The following IRAG2 variants were observed in gnomAD, a reference collection of about 807,000 sequenced individuals.
IRAG2 encodes the protein lymphoid restricted membrane protein.
Under a neutral mutation model 69.9 loss-of-function variants are expected in IRAG2, and 45 were observed. The observed-to-expected ratio is 0.64, with a 90% confidence interval of 0.51 to 0.83. The LOEUF is 0.83. Ranked by LOEUF, IRAG2 falls within the 40% of genes least tolerant of loss-of-function variation. The pLI is 0.00. For missense variants in IRAG2, 520 were observed against 587.0 expected (o/e 0.89, Z 1.18); for synonymous variants, 193 against 202.4 (o/e 0.95, Z 0.40).
chr12:25,018,489 G>A (rs1334833795), intron 6 of IRAG2, among the ~76,000 whole-genome samples: 1 of 151,962 alleles, frequency 6.6e-6, no homozygotes, highest in Admixed American at 6.6e-5. Context: ...TACAGGAGGG[G>A]GAGCCACTGT....
chr12:25,100,750 T>C (rs1043083695), intron 15 of IRAG2: 1 of 153,158 alleles, frequency 6.5e-6, no homozygotes, highest in Non-Finnish European at 1.5e-5. Flanking sequence ...TCCAACTGTA[T>C]GTAGTCTTTC....
chr12:25,005,322 G>A, exon 2 of IRAG2: 1 of 1,230,272 alleles, frequency 8.1e-7, no homozygotes, highest in African/African-American at 1.6e-5. Context: ...GCACTCACAA[G>A]TATTTTTAAT....
intron 13 of IRAG2, 51 bp downstream of exon 13, chr12:25,089,841 C>G: frequency 6.3e-7 from 1 of 1,575,980 alleles, no homozygotes; most frequent in Non-Finnish European, 8.7e-7. Context: ...TCCAGACTCA[C>G]CTGCTACAGT....
In IRAG2 at chr12:25,079,398, G is replaced by A. The variant is rs1279531665; in HGVS notation, c.72G>A (p.Arg24=). Residue 24 remains arginine, a splice_region_variant and synonymous_variant, in exon 8 of 22, where the codon AGG becomes AGA. Transcript: ENST00000556887. ...RVCPESLLQS[R]EYSSLPLPRH... Reference sequence around the variant, plus strand: ...AACATGTTTGCTATCTTTTTGGCAGGGAATATTCCTCACTACCATTACCCA... The same window carrying A: ...AACATGTTTGCTATCTTTTTGGCAGAGAATATTCCTCACTACCATTACCCA... The A allele has an allele frequency of 1.2e-6, 2 of 1,613,318 alleles. No individual in the cohort carries two copies. The highest frequency in any genetic ancestry group is 2.2e-5 in the East Asian group (1 of 44,866).
At chr12:25,029,042 A>G (rs1307576094) in intron 9 of IRAG2, among the ~76,000 whole-genome samples, 1 of 152,174 alleles carries the variant, frequency 6.6e-6, no homozygotes, top group Non-Finnish European at 1.5e-5. Flanking sequence ...ACATGTACCC[A>G]TCTCAAACTC....
At chr12:25,076,473 T>C in intron 6 of IRAG2, 1 of 982,964 alleles carries the variant, frequency 1.0e-6, no homozygotes, top group Non-Finnish European at 1.2e-6. Context: ...GTATTTTTAC[T>C]GTATTTATTA....
At chr12:25,016,762 A>G (rs2139829078) in intron 5 of IRAG2, among the ~76,000 whole-genome samples, 1 of 152,178 alleles carries the variant, frequency 6.6e-6, no homozygotes, top group South Asian at 2.1e-4. Context: ...AATGAAAAAA[A>G]AAAAAAGAAT....
chr12:25,051,689 C>T (rs1259759601), upstream of IRAG2, among the ~76,000 whole-genome samples: 4 of 152,162 alleles, frequency 2.6e-5, no homozygotes, highest in South Asian at 4.1e-4. Context: ...AAATATCAAC[C>T]GCCAGCTTTC....
chr12:25,066,869 C>T (rs979363015), intron 5 of IRAG2, among the ~76,000 whole-genome samples: 23 of 151,938 alleles, frequency 1.5e-4, no homozygotes, highest in Middle Eastern at 3.2e-3. Flanking sequence ...AGGCTGGTCT[C>T]GAACTCTTGG....
intron 12 of IRAG2, chr12:25,032,445 A>T (rs553879245): frequency 2.5e-6 from 1 of 398,480 alleles, no homozygotes; most frequent in African/African-American, 2.1e-5. Flanking sequence ...TGAGCTTTGT[A>T]TGTGCCACAT....
chr12:25,101,377 CT>C, intron 16 of IRAG2, 52 bp downstream of exon 16: 3 of 1,352,314 alleles, frequency 2.2e-6, no homozygotes, highest in Non-Finnish European at 3.0e-6. Flanking sequence ...ACATTCTCCT[CT>C]TTTTTGCTAA....
Position 25,107,959 on chromosome 12 carries a change from G to A in IRAG2, c.1399G>A (p.Val467Met), listed in dbSNP as rs373668898. ...FLTGQLFQKSVDAAPTQQEDS... is the reference protein window; with the variant it reads ...FLTGQLFQKSMDAAPTQQEDS... ...CACAGGCCAATTATTCCAGAAGTCT[G>A]TGGATGCCGCTCCCACACAGCAAGA... is the stretch of plus-strand genomic sequence containing the variant. Residue 467 changes from valine to methionine, a missense_variant, in exon 22 of 22, where the codon GTG (valine) becomes ATG (methionine). Val to Met is a conservative substitution (Grantham distance 21, BLOSUM62 1). Coordinates refer to ENST00000556887, the MANE Select transcript of IRAG2 (RefSeq NM_001366544.2). 6.2e-7 allele frequency: 1 copy of A among 1,614,182 alleles called. No homozygotes were observed.
intron 12 of IRAG2, among the ~76,000 whole-genome samples, chr12:25,033,504 A>T (rs1253232575): frequency 6.6e-6 from 1 of 152,230 alleles, no homozygotes; most frequent in Non-Finnish European, 1.5e-5. Context: ...AGCTCCAACT[A>T]ATTGTGACAT....
intron 10 of IRAG2, among the ~76,000 whole-genome samples, chr12:25,086,320 C>T (rs1431587027): frequency 2.0e-5 from 3 of 152,088 alleles, no homozygotes; most frequent in African/African-American, 7.2e-5. Flanking sequence ...ATGGCTTAAC[C>T]TACCGAATGA....
At position 25,079,717 on chromosome 12, in the gene IRAG2, G is replaced by T; in HGVS notation, c.198G>T (p.Lys66Asn). 6.2e-7 allele frequency: 1 copy of T among 1,614,056 alleles called. No homozygotes were observed. Among genetic ancestry groups the T allele is most frequent in the Non-Finnish European group, 8.5e-7 (1 of 1,179,936 alleles). ...SCDLDRNSLC[K>N]KEEDTRSASP... ...ACCTTGACAGAAACTCGCTCTGTAA[G>T]AAAGAGGAGGATACAAGATCAGCTT... Residue 66 changes from lysine (K) to asparagine (N), a missense_variant, in exon 9 of 22, where the codon AAG becomes AAT. Physicochemically the swap from Lys to Asn is moderately conservative, Grantham distance 94. Coordinates refer to ENST00000556887, the MANE Select transcript of IRAG2 (RefSeq NM_001366544.2).
At chr12:25,049,160 T>C (rs1944820223), upstream of IRAG2, among the ~76,000 whole-genome samples, 1 of 152,214 alleles carries the variant, frequency 6.6e-6, no homozygotes, top group African/African-American at 2.4e-5. Flanking sequence ...TGTAGTATAG[T>C]TTAAAGTCGG....
intron 10 of IRAG2, among the ~76,000 whole-genome samples, chr12:25,030,632 C>T (rs772792779): frequency 6.6e-6 from 1 of 152,208 alleles, no homozygotes; most frequent in African/African-American, 2.4e-5. Context: ...GGTGATCCAC[C>T]TGCCTCAGCC....
rs370501468 is a variant in IRAG2, at chr12:25,108,214, T to TC, written c.*158dup. 4.0e-4 allele frequency: 319 copies of TC among 796,400 alleles called. 4 individuals are homozygous for TC. In the African/African-American group the frequency reaches 5.1e-3, roughly 13 times the overall value. The allele number at this position is 796,400 out of a possible 1,614,324, so 49.3% of individuals were successfully genotyped here. A position where few individuals can be genotyped will look rare whatever the true frequency, so the allele number is the denominator to read the frequency against. On this transcript the variant is annotated 3_prime_UTR_variant, in exon 22 of 22. Transcript: ENST00000556887. The stretch of plus-strand genomic sequence containing the variant: ...TACATTTCCTCTTTTTGCCTTTATC[T>TC]CCCCAACTAAAATACAATGGGGAAG...
chr12:25,067,830 G>A (rs949635915), intron 5 of IRAG2, among the ~76,000 whole-genome samples: 23 of 151,710 alleles, frequency 1.5e-4, no homozygotes, highest in Admixed American at 5.3e-4. Context: ...ACCACACCCC[G>A]CTAATTTTTG....
Sources: gnomAD v4.1 joint callset for allele counts (sites outside exome capture counted in the v4.1 genomes callset) on GRCh38, gnomAD v4.1.1 for gene constraint, MANE v1.5 for transcripts, NCBI Gene and HGNC (gene_info 2026-07-23, HGNC 2026-07-21) for gene names.